PNOC: variants seen among roughly 807,000 people sequenced by gnomAD.
PNOC encodes the protein nociceptin.
In PNOC, 10 loss-of-function variants were observed where a neutral mutation model predicts 15.6. That is an observed-to-expected ratio of 0.64 (90% CI 0.40 to 1.09). The LOEUF is 1.09. Ranked by LOEUF, PNOC falls within the 50% of genes least tolerant of loss-of-function variation. PNOC has a pLI of 0.01. For synonymous variants in PNOC, 98 were observed against 88.5 expected (o/e 1.11, Z -0.60); for missense variants, 220 against 223.9 (o/e 0.98, Z 0.11).
At chr8:28,329,519 C>T (rs1052032718) in intron 2 of PNOC, among the ~76,000 whole-genome samples, 2 of 152,224 alleles carry the variant, frequency 1.3e-5, no homozygotes, top group Admixed American at 6.5e-5. Context: ...GATGCCAGGT[C>T]ATTCCCAGGA....
At chr8:28,330,560 C>CTTTTTTTTTTTTTTTTT (rs34364812) in intron 2 of PNOC, among the ~76,000 whole-genome samples, 2 of 105,048 alleles carry the variant, frequency 1.9e-5, no homozygotes, top group Non-Finnish European at 3.9e-5. Context: ...CACCCGGCTA[C>CTTTTTTTTTTTTTTTTT]TTTTTTTTTT....
At chr8:28,327,840 G>A (rs905698444) in intron 1 of PNOC, among the ~76,000 whole-genome samples, 4 of 151,780 alleles carry the variant, frequency 2.6e-5, no homozygotes, top group Middle Eastern at 3.2e-3. Flanking sequence ...CTTTTTCACA[G>A]TCCTGGAGGC....
chr8:28,339,601 CCACA>C, intron 3 of PNOC, 110 bp downstream of exon 3: 2 of 828,858 alleles, frequency 2.4e-6, no homozygotes, highest in Non-Finnish European at 3.4e-6. Context: ...CCTCCCCACT[CCACA>C]CACACACACC....
intron 3 of PNOC, among the ~76,000 whole-genome samples, chr8:28,341,270 T>C (rs535304754): frequency 6.6e-6 from 1 of 152,314 alleles, no homozygotes; most frequent in South Asian, 2.1e-4. Flanking sequence ...TATTAAGTTG[T>C]GAAGAGAAAG....
intron 1 of PNOC, among the ~76,000 whole-genome samples, chr8:28,321,248 A>C (rs1801148076): frequency 8.1e-6 from 1 of 123,796 alleles, no homozygotes; most frequent in Non-Finnish European, 1.6e-5. Flanking sequence ...GTGTCTTACT[A>C]TGTTCCCCAA....
chr8:28,339,560 C>T (rs902093958), intron 3 of PNOC, 69 bp downstream of exon 3: 75 of 1,275,108 alleles, frequency 5.9e-5, no homozygotes, highest in Non-Finnish European at 7.0e-5. Context: ...GCCTTGCTCC[C>T]AGGCCTAGAA....
chr8:28,325,297 T>C (rs952234550), intron 1 of PNOC, among the ~76,000 whole-genome samples: 1 of 151,844 alleles, frequency 6.6e-6, no homozygotes, highest in Non-Finnish European at 1.5e-5. Context: ...GCTAGAGGTG[T>C]GTGTGAAGGA....
intron 2 of PNOC, chr8:28,338,485 A>C (rs1241733938): frequency 1.7e-6 from 1 of 582,790 alleles, no homozygotes. Flanking sequence ...CATTTGCTAT[A>C]AATGATACAC....
intron 1 of PNOC, among the ~76,000 whole-genome samples, chr8:28,320,305 C>G (rs1163430861): frequency 6.6e-6 from 1 of 151,682 alleles, no homozygotes; most frequent in South Asian, 2.1e-4. Flanking sequence ...CCCTCCTTCC[C>G]CATTCATCCT....
intron 1 of PNOC, 125 bp downstream of exon 1, chr8:28,317,441 T>G (rs1044694662): frequency 6.6e-6 from 1 of 152,398 alleles, no homozygotes; most frequent in African/African-American, 2.4e-5. Flanking sequence ...GTGTGGATGC[T>G]GCTGGCCTCT....
At chr8:28,330,401 T>TTATTTTTTTTTTTTTTA (rs1801309548) in intron 2 of PNOC, among the ~76,000 whole-genome samples, 1 of 41,676 alleles carries the variant, frequency 2.4e-5, no homozygotes, top group Non-Finnish European at 7.1e-5. Flanking sequence ...ATTTTATTTT[T>TTATTTTTTTTTTTTTTA]TTTTTTTTTT....
chr8:28,336,144 T>C (rs148403504), intron 2 of PNOC, among the ~76,000 whole-genome samples: 7 of 152,308 alleles, frequency 4.6e-5, no homozygotes, highest in Non-Finnish European at 2.9e-5. Flanking sequence ...CTTAGCTAAA[T>C]ATAGAGTGAC....
At chr8:28,341,480 A>G (rs1314648896) in intron 3 of PNOC, among the ~76,000 whole-genome samples, 1 of 152,264 alleles carries the variant, frequency 6.6e-6, no homozygotes, top group African/African-American at 2.4e-5. Context: ...ATTCTTCTTT[A>G]AAGTGGCTCT....
intron 2 of PNOC, among the ~76,000 whole-genome samples, chr8:28,330,444 G>C (rs1485689466): frequency 2.5e-5 from 3 of 120,082 alleles, no homozygotes; most frequent in Non-Finnish European, 5.3e-5. Flanking sequence ...GCCCAGGCTG[G>C]AGTGCAGTGG....
intron 3 of PNOC, among the ~76,000 whole-genome samples, chr8:28,341,859 A>G (rs1369492392): frequency 1.3e-5 from 2 of 152,192 alleles, no homozygotes; most frequent in African/African-American, 2.4e-5. Flanking sequence ...TTATAAGTCT[A>G]TAACAGCCGG....
chr8:28,318,129 C>T lies in PNOC; in HGVS notation c.-24+813C>T, dbSNP rs531730604. On this transcript the variant is annotated intron_variant, in intron 1 of 3. Coordinates refer to ENST00000301908, the MANE Select transcript of PNOC (RefSeq NM_006228.5). ...TCACCGCATCCCAACTCTCGAGGCT[C>T]TCTCAGCCACCTTCTTTCTTCCTCC... 2.0e-4 allele frequency among the ~76,000 whole-genome samples: 30 copies of T among 152,292 alleles called. No homozygotes were observed. In the East Asian group the frequency reaches 5.8e-3, roughly 29 times the overall value.
At chr8:28,341,146 T>C (rs533321448) in intron 3 of PNOC, among the ~76,000 whole-genome samples, 3 of 152,244 alleles carry the variant, frequency 2.0e-5, no homozygotes, top group Non-Finnish European at 4.4e-5. Context: ...CCTTCCTTGA[T>C]GATCTATTAG....
intron 1 of PNOC, among the ~76,000 whole-genome samples, chr8:28,327,566 TTTTC>T (rs1477375918): frequency 1.2e-5 from 1 of 83,156 alleles, no homozygotes; most frequent in Non-Finnish European, 3.8e-5. Flanking sequence ...CATAAAATTC[TTTTC>T]TTTTTTTTTT....
At chr8:28,323,807 G>C (rs143080033) in intron 1 of PNOC, among the ~76,000 whole-genome samples, 2 of 152,232 alleles carry the variant, frequency 1.3e-5, no homozygotes, top group Non-Finnish European at 2.9e-5. Context: ...AGTAGGTGTT[G>C]GGAAGTGTAT....
Sources: allele counts gnomAD v4.1 joint callset (sites outside exome capture counted in the v4.1 genomes callset), GRCh38; gene constraint gnomAD v4.1.1; transcripts MANE v1.5; gene names NCBI Gene and HGNC (gene_info 2026-07-23, HGNC 2026-07-21).